Variants in IMPG1 observed in about 807,000 individuals in gnomAD.
IMPG1 encodes interphotoreceptor matrix proteoglycan of 150 kDa.
In IMPG1, 85 loss-of-function variants were observed where a neutral mutation model predicts 92.0. The observed-to-expected ratio is 0.92, with a 90% CI of 0.78 to 1.11. The LOEUF (loss-of-function observed/expected upper bound fraction) is 1.11, where lower values mean the gene tolerates loss of function less well. IMPG1 is among the 50% of genes least tolerant of loss of function. IMPG1 has a pLI of 0.00. For missense variants in IMPG1, 1,022 were observed against 956.0 expected (o/e 1.07, Z -0.91); for synonymous variants, 367 against 334.1 (o/e 1.10, Z -1.08).
chr6:76,068,285 A>G (rs566266886), intron 1 of IMPG1, among the ~76,000 whole-genome samples: 1 of 152,290 alleles, frequency 6.6e-6, no homozygotes, highest in South Asian at 2.1e-4. Flanking sequence ...ATACGTAGAA[A>G]ATCCTAAAGA....
rs576840733 is a variant in IMPG1 at position 76,061,415 on chromosome 6, C to T, written c.67+11007G>A. Among the ~76,000 whole-genome samples, 6 of 152,296 alleles carry T rather than the reference C, an allele frequency of 3.9e-5. No individual in the cohort carries two copies. In the South Asian group the frequency reaches 1.2e-3, roughly 32 times the overall value. On this transcript the variant is annotated intron_variant, in intron 1 of 16. Coordinates refer to ENST00000369950, the MANE Select transcript of IMPG1 (RefSeq NM_001563.4). ...TACAGTTAATGTGCCTACCATTAGG[C>T]AGCTATCTCAGGTATGTTCTCTGTT... is the stretch of plus-strand genomic sequence containing the variant.
At chr6:75,950,189 G>A (rs1195440275) in intron 13 of IMPG1, among the ~76,000 whole-genome samples, 1 of 152,014 alleles carries the variant, frequency 6.6e-6, no homozygotes, top group African/African-American at 2.4e-5. Context: ...TTCTAACTTT[G>A]TACCCTTTCA....
chr6:76,000,948 A>T (rs1370931630), intron 12 of IMPG1, among the ~76,000 whole-genome samples: 1 of 152,222 alleles, frequency 6.6e-6, no homozygotes. Flanking sequence ...AGCCAAACAT[A>T]GTATAATAGA....
At chr6:76,022,274 T>A in intron 5 of IMPG1, 55 bp from the exon 6 acceptor site, 2 of 952,032 alleles carry the variant, frequency 2.1e-6, no homozygotes, top group Non-Finnish European at 3.3e-6. Flanking sequence ...GAGTTTAAAT[T>A]AGAACGAGGT....
rs189958916 is a variant in IMPG1 at position 76,049,110 on chromosome 6, A to C, written c.68-6984T>G. Among the ~76,000 whole-genome samples the C allele has an allele frequency of 4.1e-3, 626 of 152,332 alleles. 2 individuals are homozygous for C. The highest frequency in any genetic ancestry group is 6.5e-3 in the Non-Finnish European group (439 of 68,040). On this transcript the variant is annotated intron_variant, in intron 1 of 16. Coordinates refer to ENST00000369950, the MANE Select transcript of IMPG1 (RefSeq NM_001563.4). ...AAGCAATGCAGGAACAGAAAACCAA[A>C]TACTACGTGTTATAAGTGGAAACTA... is the stretch of plus-strand genomic sequence containing the variant.
intron 12 of IMPG1, among the ~76,000 whole-genome samples, chr6:75,974,383 CTTTCTTTCTT>C (rs1562354706): frequency 0.011 from 850 of 74,834 alleles, 6 homozygotes; most frequent in Non-Finnish European, 0.015. Flanking sequence ...TTCTTTCTTT[CTTTCTTTCTT>C]TTCTTTCTTT....
intron 4 of IMPG1, among the ~76,000 whole-genome samples, chr6:76,027,112 G>T (rs79963197): frequency 0.013 from 1,929 of 152,272 alleles, 41 homozygotes; most frequent in African/African-American, 0.044. Flanking sequence ...GTAGTACCTT[G>T]CAGTGCATGT....
At chr6:76,036,229 C>T (rs1783740044) in intron 2 of IMPG1, among the ~76,000 whole-genome samples, 1 of 152,082 alleles carries the variant, frequency 6.6e-6, no homozygotes, top group African/African-American at 2.4e-5. Flanking sequence ...TTTAGCAATG[C>T]ACAATATAAA....
chr6:75,999,810 C>T (rs986547075), intron 12 of IMPG1, among the ~76,000 whole-genome samples: 1 of 152,204 alleles, frequency 6.6e-6, no homozygotes, highest in Non-Finnish European at 1.5e-5. Context: ...ATAATTTCTA[C>T]TTATAGAGCA....
At chr6:75,946,361 C>T (rs945142964) in intron 14 of IMPG1, among the ~76,000 whole-genome samples, 3 of 152,182 alleles carry the variant, frequency 2.0e-5, no homozygotes, top group Non-Finnish European at 2.9e-5. Flanking sequence ...CCCATGGCCT[C>T]TTCCTTCTGC....
At chr6:76,067,584 T>C (rs1042584108) in intron 1 of IMPG1, among the ~76,000 whole-genome samples, 7 of 152,238 alleles carry the variant, frequency 4.6e-5, no homozygotes, top group Admixed American at 3.3e-4. Flanking sequence ...ACCAGGTAGA[T>C]TTACAGCTGA....
At position 76,054,262 on chromosome 6, in the gene IMPG1, A is replaced by G. The variant is rs2127596599; in HGVS notation, c.68-12136T>C. Among the ~76,000 whole-genome samples, 3 of 152,262 alleles carry G rather than the reference A, an allele frequency of 2.0e-5. No homozygotes were observed. The Middle Eastern group carries it at 0.01, about 518-fold the overall frequency. ...AGAGCCTGGCACATTGTTACCTGTTATTATGATCTAGTGCCACTCCATTCT... is the reference window on the plus strand; with the variant it reads ...AGAGCCTGGCACATTGTTACCTGTTGTTATGATCTAGTGCCACTCCATTCT... On this transcript the variant is annotated intron_variant, in intron 1 of 16. Coordinates refer to ENST00000369950, the MANE Select transcript of IMPG1 (RefSeq NM_001563.4).
chr6:76,000,647 G>A (rs1280399177), intron 12 of IMPG1, among the ~76,000 whole-genome samples: 4 of 152,172 alleles, frequency 2.6e-5, no homozygotes, highest in African/African-American at 9.7e-5. Flanking sequence ...TTTCAAGAGC[G>A]GGGTGGTTAA....
intron 12 of IMPG1, among the ~76,000 whole-genome samples, chr6:75,967,433 G>A (rs1782325240): frequency 6.6e-6 from 1 of 152,078 alleles, no homozygotes; most frequent in African/African-American, 2.4e-5. Flanking sequence ...AACACAGGAG[G>A]ACAAAGTAAA....
chr6:75,984,085 C>T (rs902966659), intron 12 of IMPG1, among the ~76,000 whole-genome samples: 3 of 152,008 alleles, frequency 2.0e-5, no homozygotes, highest in African/African-American at 4.8e-5. Context: ...TGGTGAGATG[C>T]GGAGAAAGGG....
intron 1 of IMPG1, among the ~76,000 whole-genome samples, chr6:76,042,328 C>T (rs963852050): frequency 7.2e-5 from 11 of 152,118 alleles, no homozygotes; most frequent in Middle Eastern, 3.4e-3. Context: ...GCCGATCAAG[C>T]GTATTTTTAA....
intron 15 of IMPG1, among the ~76,000 whole-genome samples, chr6:75,924,976 G>A (rs567833174): frequency 1.3e-5 from 2 of 150,742 alleles, no homozygotes; most frequent in Non-Finnish European, 2.9e-5. Flanking sequence ...GGGAGGGGAG[G>A]GAGGAGGGTA....
intron 7 of IMPG1, among the ~76,000 whole-genome samples, chr6:76,014,725 CT>C (rs1229995261): frequency 1.8e-4 from 28 of 152,304 alleles, no homozygotes; most frequent in African/African-American, 6.5e-4. Flanking sequence ...GACCCTGGGA[CT>C]GGCATTGTAG....
At chr6:76,022,058 T>C in intron 6 of IMPG1, 58 bp downstream of exon 6, 1 of 921,044 alleles carries the variant, frequency 1.1e-6, no homozygotes, top group Non-Finnish European at 1.8e-6. Context: ...TTTTCCTGTT[T>C]TGCTAAAGAA....
Sources: allele counts gnomAD v4.1 joint callset (sites outside exome capture counted in the v4.1 genomes callset), GRCh38; gene constraint gnomAD v4.1.1; transcripts MANE v1.5; gene names NCBI Gene and HGNC (gene_info 2026-07-23, HGNC 2026-07-21).